Variants in MICAL3 observed in about 807,000 individuals in gnomAD.
MICAL3 encodes [F-actin]-monooxygenase MICAL3.
A neutral mutation model predicts 207.4 loss-of-function variants in MICAL3; 62 were observed. The ratio of observed to expected loss-of-function variants is 0.30; its 90% CI spans 0.24 to 0.37. The LOEUF (loss-of-function observed/expected upper bound fraction) is 0.37, where lower values mean the gene tolerates loss of function less well. Among genes scored for constraint, MICAL3 ranks in the 10% least tolerant of loss-of-function variants. The pLI is 1.00. For missense variants in MICAL3, 2,368 were observed against 2,635.6 expected, an observed-to-expected ratio of 0.90 and a Z score of 2.22; for synonymous variants, 1,077 against 1,069.3, an observed-to-expected ratio of 1.01 and a Z score of -0.14.
intron 29 of MICAL3, among the ~76,000 whole-genome samples, chr22:17,804,535 C>T (rs1569071487): frequency 1.3e-5 from 2 of 152,206 alleles, no homozygotes; most frequent in African/African-American, 4.8e-5. Flanking sequence ...GGCACTCGGC[C>T]GAAGGCTCCT....
At chr22:17,814,439 A>T (rs890466428) in intron 27 of MICAL3, 3 of 152,248 alleles carry the variant, frequency 2.0e-5, no homozygotes, top group Non-Finnish European at 4.4e-5. Context: ...ACATAAAAGT[A>T]CATTAACAGT....
intron 1 of MICAL3, among the ~76,000 whole-genome samples, chr22:17,970,360 A>G (rs1159405007): frequency 6.6e-6 from 1 of 152,022 alleles, no homozygotes; most frequent in Admixed American, 6.6e-5. Flanking sequence ...CCCAGGGCCC[A>G]CTGGTCCTTG....
chr22:17,886,493 C>T (rs542340190), intron 15 of MICAL3, among the ~76,000 whole-genome samples: 1 of 151,928 alleles, frequency 6.6e-6, no homozygotes, highest in Admixed American at 6.5e-5. Context: ...ACGGTAAAAC[C>T]CCATCTCTAC....
chr22:17,975,683 G>A (rs1297229120), intron 1 of MICAL3, among the ~76,000 whole-genome samples: 3 of 152,172 alleles, frequency 2.0e-5, no homozygotes, highest in Non-Finnish European at 2.9e-5. Flanking sequence ...GTCACCCCAA[G>A]TGTGTCCCCA....
rs936437271 is a variant in MICAL3, at chr22:17,790,659, C to T, written c.*73G>A. On this transcript the variant is annotated 3_prime_UTR_variant, in exon 32 of 32. Coordinates refer to ENST00000441493, the MANE Select transcript of MICAL3 (RefSeq NM_015241.3). ...GGAGGTGCCAGGCCTCCTCAGATCG[C>T]GGCTCCGGGTGGTTTGGATGCCACT... 19 of 1,392,196 alleles carry T rather than the reference C, an allele frequency of 1.4e-5. No homozygotes were observed. The highest frequency in any genetic ancestry group is 4.3e-5 in the African/African-American group (3 of 69,270). The allele number at this position is 1,392,196 out of a possible 1,614,324, so 86.2% of individuals were successfully genotyped here.
chr22:17,875,623 G>A (rs1928225867), intron 16 of MICAL3: 1 of 811,902 alleles, frequency 1.2e-6, no homozygotes, highest in Non-Finnish European at 1.8e-6. Flanking sequence ...ACTGACCTCT[G>A]AACATAAGAT....
intron 20 of MICAL3, among the ~76,000 whole-genome samples, chr22:17,838,193 C>A (rs1923602841): frequency 6.6e-6 from 1 of 152,322 alleles, no homozygotes; most frequent in African/African-American, 2.4e-5. Context: ...AAATTGTGGT[C>A]TTTGGACCAC....
At chr22:17,918,183 T>A (rs1178256525) in intron 1 of MICAL3, among the ~76,000 whole-genome samples, 1 of 152,144 alleles carries the variant, frequency 6.6e-6, no homozygotes, top group African/African-American at 2.4e-5. Context: ...GACTCCTTTA[T>A]ACACTTCAAA....
intron 29 of MICAL3, among the ~76,000 whole-genome samples, chr22:17,797,584 T>G (rs2145958586): frequency 6.6e-6 from 1 of 152,314 alleles, no homozygotes; most frequent in East Asian, 1.9e-4. Flanking sequence ...ACAATCTGTG[T>G]GGCGGTGGGT....
chr22:17,969,696 G>A (rs139836596), intron 1 of MICAL3, among the ~76,000 whole-genome samples: 3 of 152,188 alleles, frequency 2.0e-5, no homozygotes, highest in East Asian at 3.8e-4. Context: ...GGAGGTATTC[G>A]CTTTTTCCTA....
At chr22:17,908,668 G>A (rs1602198639) in intron 1 of MICAL3, among the ~76,000 whole-genome samples, 2 of 152,124 alleles carry the variant, frequency 1.3e-5, no homozygotes, top group Admixed American at 1.3e-4. Context: ...ACTTGCTCCT[G>A]GTGCTCTCAT....
rs1267744273 is a variant in MICAL3 at position 17,891,575 on chromosome 22, T to C, written c.1604A>G (p.Tyr535Cys). 2 of 1,613,876 alleles carry C rather than the reference T, an allele frequency of 1.2e-6. No individual in the cohort carries two copies. Among genetic ancestry groups the C allele is most frequent in the African/African-American group, 1.3e-5 (1 of 74,930 alleles). ...GAGATCTGTCACGTTTACCCCTGCA[T>C]AGCCATCTGTCTGCCTCTGGCACCA... ...LGWCQRQTDGYAGVNVTDLTM... is the reference protein window; with the variant it reads ...LGWCQRQTDGCAGVNVTDLTM... The change falls in exon 12 of 32, where the codon TAT becomes TGT. Residue 535 changes from tyrosine (Y) to cysteine (C), a missense_variant. This residue lies in a region of MICAL3 where 147 missense variants were observed against 137.7 expected (regional missense o/e 1.07). Transcript: ENST00000441493.
intron 1 of MICAL3, among the ~76,000 whole-genome samples, chr22:17,923,528 C>A (rs550696021): frequency 6.6e-6 from 1 of 152,262 alleles, no homozygotes; most frequent in African/African-American, 2.4e-5. Flanking sequence ...GATGCCAGCA[C>A]CTGATGGCCA....
intron 1 of MICAL3, among the ~76,000 whole-genome samples, chr22:17,976,535 A>ATGTGTGTGTG (rs148517944): frequency 1.0e-4 from 10 of 97,066 alleles, no homozygotes; most frequent in East Asian, 3.8e-4. Flanking sequence ...GTGTATATAT[A>ATGTGTGTGTG]TGTGTGTGTG....
At chr22:18,007,922 CAA>C (rs60544257) in intron 1 of MICAL3, among the ~76,000 whole-genome samples, 111 of 37,718 alleles carry the variant, frequency 2.9e-3, no homozygotes, top group African/African-American at 8.7e-3. Flanking sequence ...GACTCCATCT[CAA>C]AAAAAAAAAA....
intron 1 of MICAL3, among the ~76,000 whole-genome samples, chr22:17,968,387 A>T (rs1407913429): frequency 6.6e-6 from 1 of 152,060 alleles, no homozygotes; most frequent in Admixed American, 6.6e-5. Context: ...TCCACGGGGG[A>T]GCAGCACAGG....
At chr22:17,946,940 G>A (rs1934099790) in intron 1 of MICAL3, among the ~76,000 whole-genome samples, 1 of 152,238 alleles carries the variant, frequency 6.6e-6, no homozygotes, top group Non-Finnish European at 1.5e-5. Context: ...CAAGCCGGAA[G>A]ATGGGTGGGG....
chr22:17,929,056 G>T (rs1382233279), intron 1 of MICAL3, among the ~76,000 whole-genome samples: 1 of 150,276 alleles, frequency 6.7e-6, no homozygotes, highest in African/African-American at 2.5e-5. Context: ...GCCTCCCAAA[G>T]TGCTGGGATT....
At chr22:17,799,926 C>T (rs1044795622) in intron 29 of MICAL3, among the ~76,000 whole-genome samples, 44 of 150,092 alleles carry the variant, frequency 2.9e-4, no homozygotes, top group African/African-American at 9.9e-4. Flanking sequence ...CACACACACG[C>T]GCGCTGGGAA....
Sources: gnomAD v4.1 joint callset for allele counts (sites outside exome capture counted in the v4.1 genomes callset) on GRCh38, gnomAD v4.1.1 for gene constraint, gnomAD v4.1.1 regional missense constraint, MANE v1.5 for transcripts, NCBI Gene and HGNC (gene_info 2026-07-23, HGNC 2026-07-21) for gene names.